Variants in PAWR observed in about 807,000 individuals in gnomAD.
PAWR encodes the protein PRKC apoptosis WT1 regulator protein.
In PAWR, 23 loss-of-function variants were observed where a neutral mutation model predicts 32.0. That is an observed-to-expected ratio of 0.72 (90% confidence interval 0.52 to 1.02). The LOEUF (loss-of-function observed/expected upper bound fraction) is 1.02. Among genes scored for constraint, PAWR ranks in the 50% least tolerant of loss-of-function variants. The pLI is 0.00. For synonymous variants in PAWR, 226 were observed against 187.1 expected, an observed-to-expected ratio of 1.21 and a Z score of -1.70; for missense variants, 457 against 437.7, an observed-to-expected ratio of 1.04 and a Z score of -0.39.
At chr12:79,655,001 T>A (rs747248792) in intron 2 of PAWR, among the ~76,000 whole-genome samples, 47 of 152,146 alleles carry the variant, frequency 3.1e-4, no homozygotes, top group Non-Finnish European at 5.1e-4. Context: ...ATCAAGGAAT[T>A]GAAGGAATTC....
intron 4 of PAWR, among the ~76,000 whole-genome samples, chr12:79,601,268 G>C (rs1221557926): frequency 4.7e-5 from 7 of 148,278 alleles, no homozygotes; most frequent in Non-Finnish European, 1.0e-4. Context: ...GCCCAGGCTG[G>C]AGTGCAGTGG....
chr12:79,608,839 G>GT (rs1310375649), intron 4 of PAWR, among the ~76,000 whole-genome samples: 1 of 152,172 alleles, frequency 6.6e-6, no homozygotes, highest in Non-Finnish European at 1.5e-5. Context: ...GAGATCAGGA[G>GT]TTTGAGACCA....
At position 79,690,239 on chromosome 12, in the gene PAWR, CG is replaced by C; in HGVS notation, c.5del (p.Ala2GlyfsTer88). The stretch of plus-strand genomic sequence containing the variant: ...CGCTGCTGGTCCGGTAGCCACCGGT[CG>C]CCATATTCCCAAAGGGGCCGGTCGG... M[A>X]TGGYRTSSGL... On this transcript the variant is annotated frameshift_variant, in exon 2 of 7. Coordinates refer to ENST00000328827, the MANE Select transcript of PAWR (RefSeq NM_002583.4). LOFTEE classifies it high-confidence loss of function. The C allele has an allele frequency of 6.6e-7, 1 of 1,511,324 alleles. No homozygotes were observed. Among genetic ancestry groups the C allele is most frequent in the Non-Finnish European group, 8.8e-7 (1 of 1,134,582 alleles). 93.6% of individuals were successfully genotyped at this position (1,511,324 alleles called of 1,614,324 possible).
intron 2 of PAWR, among the ~76,000 whole-genome samples, chr12:79,665,953 T>C (rs760242757): frequency 4.6e-5 from 7 of 152,242 alleles, no homozygotes; most frequent in Non-Finnish European, 8.8e-5. Context: ...TTGTTAACTT[T>C]GCATTTTCAC....
intron 2 of PAWR, among the ~76,000 whole-genome samples, chr12:79,661,854 G>C (rs1877365617): frequency 6.6e-6 from 1 of 152,068 alleles, no homozygotes. Flanking sequence ...TTATAATATA[G>C]TAGGGTTACA....
At chr12:79,608,215 T>G (rs1874274394) in intron 4 of PAWR, among the ~76,000 whole-genome samples, 2 of 152,112 alleles carry the variant, frequency 1.3e-5, no homozygotes, top group Admixed American at 1.3e-4. Context: ...GAGAATGAGG[T>G]TGAGAACTAA....
At chr12:79,594,572 G>A (rs878882108) in intron 5 of PAWR, 139 bp from the exon 6 acceptor site, 3 of 570,906 alleles carry the variant, frequency 5.3e-6, no homozygotes, top group Admixed American at 3.8e-5. Context: ...GACATTTGGT[G>A]AAGGAACAAA....
intron 4 of PAWR, among the ~76,000 whole-genome samples, chr12:79,610,970 A>G (rs1283622811): frequency 6.6e-6 from 1 of 151,310 alleles, no homozygotes; most frequent in East Asian, 1.9e-4. Context: ...GTTTTAAAAT[A>G]CAGCATAATT....
chr12:79,613,718 G>A lies in PAWR; in HGVS notation c.649-109C>T, dbSNP rs2307221. ...CTAATTTTAAAAAGACCAACTTGAA[G>A]CAATTACTGTTTTAAAAAATTCACA... is the stretch of plus-strand genomic sequence containing the variant. On this transcript the variant is annotated intron_variant, in intron 3 of 6. Coordinates refer to ENST00000328827, the MANE Select transcript of PAWR (RefSeq NM_002583.4). The A allele has an allele frequency of 8.2e-4, 420 of 510,066 alleles. 4 individuals are homozygous for A. In the East Asian group the frequency reaches 0.013, roughly 15 times the overall value. 31.6% of individuals were successfully genotyped at this position (510,066 alleles called of 1,614,324 possible).
chr12:79,593,298 C>T (rs1026138250), intron 6 of PAWR, among the ~76,000 whole-genome samples: 4 of 152,090 alleles, frequency 2.6e-5, no homozygotes, highest in African/African-American at 7.2e-5. Context: ...GACTTTTCTA[C>T]GACATTTTGA....
intron 2 of PAWR, among the ~76,000 whole-genome samples, chr12:79,650,712 AT>A (rs1208374151): frequency 5.5e-5 from 5 of 91,200 alleles, no homozygotes; most frequent in Admixed American, 1.5e-4. Context: ...CTTAAAGGTT[AT>A]TAAAAAAAAA....
intron 3 of PAWR, among the ~76,000 whole-genome samples, chr12:79,619,699 T>C (rs558234631): frequency 6.6e-6 from 1 of 152,270 alleles, no homozygotes; most frequent in East Asian, 1.9e-4. Flanking sequence ...AAAGACTACG[T>C]AATTAGATCT....
intron 4 of PAWR, chr12:79,603,868 T>A (rs1245666735): frequency 6.6e-6 from 1 of 151,340 alleles, no homozygotes; most frequent in Non-Finnish European, 1.5e-5. Flanking sequence ...AGAGATGGGG[T>A]TTCCCCATGT....
chr12:79,596,377 G>A (rs1460723865), intron 5 of PAWR, 134 bp downstream of exon 5: 1 of 551,028 alleles, frequency 1.8e-6, no homozygotes, highest in South Asian at 3.0e-5. Context: ...ATATACTAAA[G>A]GTAACAGTTG....
At chr12:79,687,899 T>C (rs974318041) in intron 2 of PAWR, among the ~76,000 whole-genome samples, 2 of 152,156 alleles carry the variant, frequency 1.3e-5, no homozygotes, top group African/African-American at 4.8e-5. Context: ...TACTGTTTTG[T>C]TGGGTCCTGC....
intron 2 of PAWR, among the ~76,000 whole-genome samples, chr12:79,681,574 T>G (rs1592556926): frequency 1.3e-5 from 2 of 152,212 alleles, no homozygotes; most frequent in South Asian, 4.1e-4. Flanking sequence ...TGTGGTTCCA[T>G]TTCTCAAGTA....
intron 2 of PAWR, among the ~76,000 whole-genome samples, chr12:79,681,195 A>G (rs909884622): frequency 6.6e-6 from 1 of 151,664 alleles, no homozygotes; most frequent in African/African-American, 2.4e-5. Context: ...TATTTATCTA[A>G]GACTATTTAT....
At chr12:79,629,966 G>A (rs1040045094) in intron 2 of PAWR, among the ~76,000 whole-genome samples, 7 of 151,702 alleles carry the variant, frequency 4.6e-5, no homozygotes, top group African/African-American at 1.7e-4. Flanking sequence ...CCACCTAAAA[G>A]CAGAGCTTAG....
intron 2 of PAWR, among the ~76,000 whole-genome samples, chr12:79,670,731 TAAAAA>T: frequency 6.6e-6 from 1 of 151,724 alleles, no homozygotes; most frequent in Non-Finnish European, 1.5e-5. Flanking sequence ...CAGTTCACAA[TAAAAA>T]AAAGGCTATC....
Sources: gnomAD v4.1 joint callset for allele counts (sites outside exome capture counted in the v4.1 genomes callset) on GRCh38, gnomAD v4.1.1 for gene constraint, MANE v1.5 for transcripts, NCBI Gene and HGNC (gene_info 2026-07-23, HGNC 2026-07-21) for gene names.